DLG2: variants seen among roughly 807,000 people sequenced by gnomAD.
DLG2 encodes disks large homolog 2.
DLG2 carries 45 observed loss-of-function variants against 132.5 expected under a neutral mutation model. That is an observed-to-expected ratio of 0.34 (90% CI 0.27 to 0.44). The LOEUF (loss-of-function observed/expected upper bound fraction) is 0.44, where lower values mean the gene tolerates loss of function less well. DLG2 is among the 20% of genes least tolerant of loss of function. DLG2 has a pLI of 1.00. For synonymous variants in DLG2, 424 were observed against 419.6 expected, an observed-to-expected ratio of 1.01 and a Z score of -0.13; for missense variants, 1,045 against 1,196.9, an observed-to-expected ratio of 0.87 and a Z score of 1.87.
intron 6 of DLG2, among the ~76,000 whole-genome samples, chr11:84,640,756 G>A (rs758852627): frequency 9.2e-5 from 14 of 151,924 alleles, no homozygotes; most frequent in Non-Finnish European, 1.5e-4. Context: ...CCTGACCAAC[G>A]TGGTGAAACC....
intron 19 of DLG2, among the ~76,000 whole-genome samples, chr11:83,579,439 A>C (rs2096932719): frequency 6.6e-6 from 1 of 152,238 alleles, no homozygotes; most frequent in South Asian, 2.1e-4. Context: ...CATAATGGAT[A>C]TCGCCACATT....
At chr11:84,412,856 G>A (rs778847840) in intron 7 of DLG2, among the ~76,000 whole-genome samples, 13 of 152,122 alleles carry the variant, frequency 8.5e-5, no homozygotes, top group African/African-American at 9.7e-5. Context: ...GGGATTTACC[G>A]GAAACCTCCA....
chr11:85,185,494 A>G (rs1323213723), intron 4 of DLG2, among the ~76,000 whole-genome samples: 2 of 151,980 alleles, frequency 1.3e-5, no homozygotes, highest in Non-Finnish European at 2.9e-5. Flanking sequence ...TGCAGTTTCT[A>G]CAGAACTTTG....
chr11:83,832,781 A>G (rs1048286543), intron 17 of DLG2, among the ~76,000 whole-genome samples: 2 of 152,190 alleles, frequency 1.3e-5, no homozygotes, highest in African/African-American at 4.8e-5. Flanking sequence ...AAAGGTAAAA[A>G]AAAAGGTGCT....
At chr11:84,664,269 C>T (rs1387264039) in intron 6 of DLG2, among the ~76,000 whole-genome samples, 1 of 152,058 alleles carries the variant, frequency 6.6e-6, no homozygotes, top group Non-Finnish European at 1.5e-5. Context: ...TAAGCCTCCT[C>T]CTTGGCTCTC....
chr11:85,562,716 T>C (rs1317385272), intron 3 of DLG2, among the ~76,000 whole-genome samples: 1 of 151,754 alleles, frequency 6.6e-6, no homozygotes, highest in Non-Finnish European at 1.5e-5. Context: ...TAAAGCCCGA[T>C]CATGGACTTC....
intron 3 of DLG2, among the ~76,000 whole-genome samples, chr11:85,493,614 G>A (rs976901248): frequency 1.3e-5 from 2 of 151,632 alleles, no homozygotes; most frequent in African/African-American, 4.9e-5. Context: ...GAGGTGCAGC[G>A]AGCTATGATT....
chr11:83,682,192 GGCAGGAGGCACCAAAGGCA>G, intron 18 of DLG2: 1 of 985,364 alleles, frequency 1.0e-6, no homozygotes, highest in Non-Finnish European at 1.2e-6. Context: ...GCAGGGAGGA[GGCAGGAGGCACCAAAGGCA>G]GCTTCTCCGT....
chr11:84,985,111 T>C (rs569958634), intron 6 of DLG2, among the ~76,000 whole-genome samples: 1 of 152,270 alleles, frequency 6.6e-6, no homozygotes, highest in South Asian at 2.1e-4. Flanking sequence ...ACTTAAACTA[T>C]ACCCTGGAAC....
intron 19 of DLG2, among the ~76,000 whole-genome samples, chr11:83,573,833 C>T (rs929395102): frequency 1.3e-5 from 2 of 152,050 alleles, no homozygotes; most frequent in African/African-American, 4.8e-5. Flanking sequence ...TGGTTCAGTC[C>T]TGGAGAAGCA....
At chr11:84,233,152 A>G (rs1598021203) in intron 8 of DLG2, among the ~76,000 whole-genome samples, 1 of 152,176 alleles carries the variant, frequency 6.6e-6, no homozygotes, top group Non-Finnish European at 1.5e-5. Context: ...TGAGCAGGGC[A>G]GGAGAGACCT....
intron 18 of DLG2, among the ~76,000 whole-genome samples, chr11:83,747,326 T>G (rs866357231): frequency 7.2e-5 from 7 of 97,068 alleles, no homozygotes; most frequent in South Asian, 3.1e-4. Context: ...CTTCCTTCCT[T>G]CCTGCCTTCC....
At position 83,473,616 on chromosome 11, in the gene DLG2, A is replaced by G. The variant is rs190845298; in HGVS notation, c.2294-839T>C. On this transcript the variant is annotated intron_variant, in intron 22 of 27. Coordinates refer to ENST00000376104, the MANE Select transcript of DLG2 (RefSeq NM_001142699.3). The stretch of plus-strand genomic sequence containing the variant: ...CGGAAGTGTCTGCATTTTTTTTTGC[A>G]TTGACTAACCTTTGGAACAGCAATA... Among the ~76,000 whole-genome samples the G allele has an allele frequency of 5.3e-5, 8 of 151,858 alleles. 1 individual carries two copies. The highest frequency in any genetic ancestry group is 2.6e-4 in the Admixed American group (4 of 15,236).
At chr11:85,223,389 C>T (rs2074780203) in intron 4 of DLG2, among the ~76,000 whole-genome samples, 1 of 152,106 alleles carries the variant, frequency 6.6e-6, no homozygotes, top group South Asian at 2.1e-4. Flanking sequence ...AATCTCAGCA[C>T]TCTGGGAGAC....
chr11:83,515,855 T>C (rs2095273675), intron 21 of DLG2, among the ~76,000 whole-genome samples: 1 of 152,254 alleles, frequency 6.6e-6, no homozygotes, highest in Admixed American at 6.5e-5. Flanking sequence ...TTCTTAATCC[T>C]GAGTTCTAGT....
At chr11:85,159,325 T>C (rs2077850831) in intron 4 of DLG2, among the ~76,000 whole-genome samples, 1 of 152,190 alleles carries the variant, frequency 6.6e-6, no homozygotes, top group African/African-American at 2.4e-5. Context: ...GGCATAGACA[T>C]ACTTGCAAGC....
At chr11:84,194,591 G>A (rs2096480185) in intron 8 of DLG2, among the ~76,000 whole-genome samples, 1 of 152,146 alleles carries the variant, frequency 6.6e-6, no homozygotes, top group Non-Finnish European at 1.5e-5. Flanking sequence ...AGAGCTGATT[G>A]GTCCATTTTG....
intron 7 of DLG2, among the ~76,000 whole-genome samples, chr11:84,465,116 A>T (rs1280472230): frequency 1.3e-5 from 2 of 151,174 alleles, no homozygotes; most frequent in East Asian, 3.9e-4. Context: ...CACTTGATTC[A>T]CTTCCATTAT....
At chr11:85,606,740 G>T (rs1268524620) in intron 2 of DLG2, among the ~76,000 whole-genome samples, 1 of 152,138 alleles carries the variant, frequency 6.6e-6, no homozygotes, top group Non-Finnish European at 1.5e-5. Context: ...GCGAAGGTCT[G>T]CAGCTTCACT....
Sources: gnomAD v4.1 joint callset for allele counts (sites outside exome capture counted in the v4.1 genomes callset) on GRCh38, gnomAD v4.1.1 for gene constraint, MANE v1.5 for transcripts, NCBI Gene and HGNC (gene_info 2026-07-23, HGNC 2026-07-21) for gene names.